Variants in FAM135B observed in about 807,000 individuals in gnomAD.
FAM135B encodes the protein protein FAM135B.
Under a neutral mutation model 127.7 loss-of-function variants are expected in FAM135B, and 43 were observed. The observed-to-expected ratio is 0.34, with a 90% CI of 0.26 to 0.43. The LOEUF (loss-of-function observed/expected upper bound fraction) is 0.43, where lower values mean the gene tolerates loss of function less well. FAM135B is among the 20% of genes least tolerant of loss of function. FAM135B has a pLI of 1.00. For synonymous variants in FAM135B, 670 were observed against 665.1 expected (o/e 1.01, Z -0.11); for missense variants, 1,558 against 1,725.6 (o/e 0.90, Z 1.72).
intron 1 of FAM135B, among the ~76,000 whole-genome samples, chr8:138,470,079 A>G (rs1258565247): frequency 2.6e-5 from 4 of 152,242 alleles, no homozygotes; most frequent in Non-Finnish European, 5.9e-5. Context: ...ATAGAAATAA[A>G]TGCAAGACTT....
intron 2 of FAM135B, among the ~76,000 whole-genome samples, chr8:138,330,997 C>A (rs751392497): frequency 2.6e-5 from 4 of 152,040 alleles, no homozygotes; most frequent in Non-Finnish European, 5.9e-5. Flanking sequence ...CATGCACCAC[C>A]GCACCCAGCT....
intron 1 of FAM135B, among the ~76,000 whole-genome samples, chr8:138,494,593 G>C (rs1815315217): frequency 6.6e-6 from 1 of 152,070 alleles, no homozygotes; most frequent in Non-Finnish European, 1.5e-5. Flanking sequence ...GCAAAATCAG[G>C]GGCATAAAAG....
rs751126871 is a variant in FAM135B, at chr8:138,141,386, G to T, written c.3639-37C>A. On this transcript the variant is annotated intron_variant, in intron 16 of 19. Coordinates refer to ENST00000395297, the MANE Select transcript of FAM135B (RefSeq NM_015912.4). The surrounding 1 kb of genome is among the most constrained non-coding windows in gnomAD (Gnocchi z 4.7). ...CAGAAGGGGTACCCATGAGTGTGAC[G>T]GTGAATGCTGCTGCCCAAGAGTGCA... 15 of 1,609,120 alleles carry T rather than the reference G, an allele frequency of 9.3e-6. No individual in the cohort carries two copies. Among genetic ancestry groups the T allele is most frequent in the Non-Finnish European group, 1.3e-5 (15 of 1,176,280 alleles).
chr8:138,375,399 G>A (rs1318208484), intron 1 of FAM135B, among the ~76,000 whole-genome samples: 3 of 152,138 alleles, frequency 2.0e-5, no homozygotes, highest in Non-Finnish European at 4.4e-5. Flanking sequence ...GTGTGTGTGT[G>A]TATATGTGTG....
rs2131135697 is a variant in FAM135B, at chr8:138,197,509, C to A, written c.823+7G>T. 2 of 1,613,500 alleles carry A rather than the reference C, an allele frequency of 1.2e-6. No homozygotes were observed. Among genetic ancestry groups the A allele is most frequent in the Non-Finnish European group, 1.7e-6 (2 of 1,179,526 alleles). ...GGGATGGGCTTGCCCCTGTCCTGGG[C>A]CCTTACCCAGCTCCGTGTGTGGCAG... On this transcript the variant is annotated splice_region_variant and intron_variant, in intron 8 of 19. Coordinates refer to ENST00000395297, the MANE Select transcript of FAM135B (RefSeq NM_015912.4).
intron 12 of FAM135B, among the ~76,000 whole-genome samples, chr8:138,155,829 T>A (rs901089163): frequency 6.6e-6 from 1 of 152,064 alleles, no homozygotes; most frequent in East Asian, 1.9e-4. Context: ...AGACTTAGGC[T>A]CCCACACAAT....
rs2131135575 is a variant in FAM135B, at chr8:138,197,504, C to T, written c.823+12G>A. The T allele has an allele frequency of 6.2e-7, 1 of 1,613,182 alleles. No individual in the cohort carries two copies. Among genetic ancestry groups the T allele is most frequent in the Non-Finnish European group, 8.5e-7 (1 of 1,179,268 alleles). ...CTGCTGGGATGGGCTTGCCCCTGTC[C>T]TGGGCCCTTACCCAGCTCCGTGTGT... On this transcript the variant is annotated intron_variant, in intron 8 of 19. Coordinates refer to ENST00000395297, the MANE Select transcript of FAM135B (RefSeq NM_015912.4).
At chr8:138,412,767 T>C (rs979862147) in intron 1 of FAM135B, among the ~76,000 whole-genome samples, 1 of 152,226 alleles carries the variant, frequency 6.6e-6, no homozygotes, top group African/African-American at 2.4e-5. Context: ...CATTTCTTAC[T>C]GCTTTTCAGG....
rs770177696 is a variant in FAM135B, at chr8:138,152,047, C to G, written c.2428G>C (p.Gly810Arg). The stretch of plus-strand genomic sequence containing the variant: ...TCACCACAAAGTTGAGAGCAAGATC[C>G]TGGGGAACCTTGGCTCTTGCTGTGC... ...DMHSKSQGSP[G>R]SCSQLCGDSG... Residue 810 changes from glycine to arginine, a missense_variant, in exon 13 of 20, where the codon GGA becomes CGA. Gly to Arg is a moderately radical substitution (Grantham distance 125). This residue lies in a region of FAM135B where 923 missense variants were observed against 865.3 expected (regional missense o/e 1.07). Transcript: ENST00000395297. 1 of 1,614,058 alleles carries G rather than the reference C, an allele frequency of 6.2e-7. No individual in the cohort carries two copies. The highest frequency in any genetic ancestry group is 8.5e-7 in the Non-Finnish European group (1 of 1,180,044).
At chr8:138,178,274 C>CT (rs1373456974) in intron 10 of FAM135B, among the ~76,000 whole-genome samples, 1 of 151,516 alleles carries the variant, frequency 6.6e-6, no homozygotes, top group Non-Finnish European at 1.5e-5. Context: ...AAGAAAAGCA[C>CT]TTTTTCCAAA....
intron 2 of FAM135B, among the ~76,000 whole-genome samples, chr8:138,316,426 G>A (rs546028797): frequency 7.9e-5 from 12 of 151,568 alleles, no homozygotes; most frequent in Non-Finnish European, 7.4e-5. Context: ...CCCGGAAGGC[G>A]GAGCTTGCAG....
chr8:138,332,514 G>A (rs1828259602), intron 2 of FAM135B, among the ~76,000 whole-genome samples: 1 of 152,084 alleles, frequency 6.6e-6, no homozygotes, highest in Non-Finnish European at 1.5e-5. Context: ...GGATTTAGTA[G>A]ACCTGGGATT....
At chr8:138,283,977 G>A (rs1389093516) in intron 3 of FAM135B, among the ~76,000 whole-genome samples, 1 of 152,012 alleles carries the variant, frequency 6.6e-6, no homozygotes, top group Non-Finnish European at 1.5e-5. Flanking sequence ...AGAACAGTGA[G>A]CTGGACAAAA....
intron 19 of FAM135B, among the ~76,000 whole-genome samples, chr8:138,135,061 T>G (rs1158420180): frequency 6.6e-6 from 1 of 152,198 alleles, no homozygotes; most frequent in African/African-American, 2.4e-5. Context: ...GTGTAACTAC[T>G]CAACATAATT....
At chr8:138,180,040 A>G (rs1659455457) in intron 9 of FAM135B, among the ~76,000 whole-genome samples, 1 of 152,194 alleles carries the variant, frequency 6.6e-6, no homozygotes, top group Admixed American at 6.5e-5. Flanking sequence ...TAGACTAGAA[A>G]GGGCCTAGAG....
intron 3 of FAM135B, among the ~76,000 whole-genome samples, chr8:138,306,046 C>T (rs60432448): frequency 0.067 from 10,207 of 152,132 alleles, 723 homozygotes; most frequent in East Asian, 0.25. Flanking sequence ...CTGAAAATCC[C>T]CATCACACTT....
chr8:138,233,562 C>T (rs543855925), intron 7 of FAM135B, among the ~76,000 whole-genome samples: 4 of 152,176 alleles, frequency 2.6e-5, no homozygotes, highest in Non-Finnish European at 5.9e-5. Context: ...CTGTAAAACT[C>T]CTAGAAGAAA....
chr8:138,233,069 G>A (rs145724962), intron 7 of FAM135B, among the ~76,000 whole-genome samples: 1 of 152,274 alleles, frequency 6.6e-6, no homozygotes, highest in Admixed American at 6.5e-5. Flanking sequence ...TGATGTCACT[G>A]AGCATAGTCC....
At chr8:138,363,306 T>C (rs1439574257) in intron 2 of FAM135B, among the ~76,000 whole-genome samples, 1 of 152,186 alleles carries the variant, frequency 6.6e-6, no homozygotes, top group East Asian at 1.9e-4. Context: ...CCTATATTAA[T>C]TAATGCCGTA....
Sources: gnomAD v4.1 joint callset for allele counts (sites outside exome capture counted in the v4.1 genomes callset) on GRCh38, gnomAD v4.1.1 for gene constraint, gnomAD v4.1.1 regional missense constraint, Gnocchi (gnomAD v3.1) non-coding constraint, MANE v1.5 for transcripts, NCBI Gene and HGNC (gene_info 2026-07-23, HGNC 2026-07-21) for gene names.